The following KIF1B variants were observed in gnomAD, a reference collection of about 807,000 sequenced individuals.
The protein encoded by KIF1B is kinesin-like protein KIF1B.
Under a neutral mutation model 241.9 loss-of-function variants are expected in KIF1B, and 76 were observed. The ratio of observed to expected loss-of-function variants is 0.31; its 90% CI spans 0.26 to 0.38. The LOEUF is 0.38. KIF1B is among the 10% of genes least tolerant of loss of function. KIF1B has a pLI of 1.00. For missense variants in KIF1B, 1,622 were observed against 2,271.4 expected (o/e 0.71, Z 5.81); for synonymous variants, 750 against 796.7 (o/e 0.94, Z 0.99).
intron 27 of KIF1B, among the ~76,000 whole-genome samples, chr1:10,329,334 G>A (rs889636411): frequency 6.6e-6 from 1 of 152,186 alleles, no homozygotes; most frequent in African/African-American, 2.4e-5. Flanking sequence ...CAGTTGTGTA[G>A]TGGTCATTGT....
Position 10,381,272 on chromosome 1 carries a change from A to G in KIF1B, c.*4685A>G, listed in dbSNP as rs1295569485. On this transcript the variant is annotated 3_prime_UTR_variant, in exon 49 of 49. Transcript: ENST00000676179. ...TCTCTTGTCACCATCCTCACACATG[A>G]CAACAAAACCCATAATGCATAAGTG... 4.4e-6 allele frequency: 1 copy of G among 226,594 alleles called. No homozygotes were observed. Among genetic ancestry groups the G allele is most frequent in the Non-Finnish European group, 8.8e-6 (1 of 113,688 alleles). 14.0% of individuals were successfully genotyped at this position (226,594 alleles called of 1,614,324 possible). A position where few individuals can be genotyped will look rare whatever the true frequency, so the allele number is the denominator to read the frequency against.
chr1:10,258,391 T>G (rs1031328212), intron 3 of KIF1B, 102 bp from the exon 4 acceptor site: 1 of 1,239,168 alleles, frequency 8.1e-7, no homozygotes, highest in Non-Finnish European at 1.1e-6. Context: ...GAATTTTAGG[T>G]GACTGTTCTG....
Position 10,378,827 on chromosome 1 carries a change from A to G in KIF1B, c.*2240A>G, listed in dbSNP as rs1277847722. On this transcript the variant is annotated 3_prime_UTR_variant, in exon 49 of 49. Coordinates refer to ENST00000676179, the MANE Select transcript of KIF1B (RefSeq NM_001365951.3). ...GAGAGAAAGGAAAGGATAGAATCAC[A>G]GGCTGCGTCTGCACCTGAAAAGTGA... 1.6e-5 allele frequency: 4 copies of G among 245,034 alleles called. No homozygotes were observed. The East Asian group carries it at 2.4e-4, about 14-fold the overall frequency. 15.2% of individuals were successfully genotyped at this position (245,034 alleles called of 1,614,324 possible).
At chr1:10,349,342 G>A (rs962388915) in intron 37 of KIF1B, among the ~76,000 whole-genome samples, 10 of 152,080 alleles carry the variant, frequency 6.6e-5, no homozygotes, top group Non-Finnish European at 1.3e-4. Flanking sequence ...GGCTGAGGTG[G>A]GAGGATCGCT....
At chr1:10,239,722 C>T (rs2102145787) in intron 2 of KIF1B, among the ~76,000 whole-genome samples, 1 of 152,090 alleles carries the variant, frequency 6.6e-6, no homozygotes, top group Non-Finnish European at 1.5e-5. Flanking sequence ...ATTCTCCTGC[C>T]TCAGACTCCA....
Position 10,326,321 on chromosome 1 carries a change from G to A in KIF1B, c.2886G>A (p.Pro962=), listed in dbSNP as rs763515223. Residue 962 remains proline (P), a synonymous_variant, in exon 27 of 49, where the codon CCG becomes CCA. Coordinates refer to ENST00000676179, the MANE Select transcript of KIF1B (RefSeq NM_001365951.3). This position sits in a 1 kb window ranked among gnomAD's most constrained non-coding sequence, Gnocchi z 5.2. The part of the protein sequence containing the change: ...GSDLFSDGHD[P]FYDRSPWFIL... ...ATCTCTTCAGTGACGGGCATGACCC[G>A]TTTTACGACCGATCCCCTTGGTTCA... 12 of 1,614,090 alleles carry A rather than the reference G, an allele frequency of 7.4e-6. No homozygotes were observed. The highest frequency in any genetic ancestry group is 1.6e-4 in the Middle Eastern group (1 of 6,084).
intron 38 of KIF1B, among the ~76,000 whole-genome samples, chr1:10,359,259 G>A (rs1012915940): frequency 1.3e-5 from 2 of 152,200 alleles, no homozygotes; most frequent in African/African-American, 2.4e-5. Flanking sequence ...ATTTGAAAAG[G>A]AGTAAGAAGG....
At chr1:10,231,378 C>CTTTTTTT (rs35213507) in intron 1 of KIF1B, among the ~76,000 whole-genome samples, 90 of 85,736 alleles carry the variant, frequency 1.0e-3, no homozygotes, top group Non-Finnish European at 1.3e-3. Flanking sequence ...GTTCAGTGCC[C>CTTTTTTT]TTTTTTTTTT....
chr1:10,347,685 A>G (rs1652634787), intron 35 of KIF1B, 76 bp from the exon 36 acceptor site: 1 of 1,255,968 alleles, frequency 8.0e-7, no homozygotes, highest in Admixed American at 1.7e-5. Flanking sequence ...GAATTTATCA[A>G]AACAAAGACC....
At chr1:10,332,133 C>T (rs748247444) in intron 27 of KIF1B, among the ~76,000 whole-genome samples, 5 of 152,044 alleles carry the variant, frequency 3.3e-5, no homozygotes, top group Admixed American at 6.6e-5. Context: ...GGTGCGATCT[C>T]GGCTCACTGC....
At chr1:10,281,661 CAATT>C (rs1649411453) in intron 14 of KIF1B, among the ~76,000 whole-genome samples, 1 of 152,158 alleles carries the variant, frequency 6.6e-6, no homozygotes, top group South Asian at 2.1e-4. Context: ...TTGAGGCAAT[CAATT>C]AGTCCTGAGT....
chr1:10,224,264 G>C (rs562760943), intron 1 of KIF1B, among the ~76,000 whole-genome samples: 33 of 152,188 alleles, frequency 2.2e-4, no homozygotes, highest in Non-Finnish European at 4.0e-4. Context: ...TTACAGGTGC[G>C]TGTCACCACG....
intron 2 of KIF1B, among the ~76,000 whole-genome samples, chr1:10,246,859 T>C (rs756378453): frequency 3.4e-4 from 52 of 152,322 alleles, no homozygotes; most frequent in Non-Finnish European, 5.9e-4. Context: ...TTCATTTTAA[T>C]GTAATTTTAA....
At chr1:10,339,887 CAT>C (rs775297369) in intron 32 of KIF1B, 28 bp downstream of exon 32, 16 of 1,584,936 alleles carry the variant, frequency 1.0e-5, no homozygotes, top group East Asian at 2.2e-5. Flanking sequence ...TTTTGCCAAA[CAT>C]ATGTTTTTCT....
At chr1:10,343,113 C>T in intron 33 of KIF1B, 119 bp from the exon 34 acceptor site, 1 of 1,002,438 alleles carries the variant, frequency 1.0e-6, no homozygotes, top group South Asian at 1.4e-5. Context: ...TACATTCTCA[C>T]TCCTACTTGT....
chr1:10,252,749 G>C (rs1647535018), intron 2 of KIF1B, among the ~76,000 whole-genome samples: 1 of 151,162 alleles, frequency 6.6e-6, no homozygotes, highest in Admixed American at 6.6e-5. Flanking sequence ...ATGGAGTTTT[G>C]CTCTTTTGTA....
intron 22 of KIF1B, among the ~76,000 whole-genome samples, chr1:10,301,051 T>G (rs1650517032): frequency 6.6e-6 from 1 of 152,262 alleles, no homozygotes. Context: ...AATCTTTGGT[T>G]TTGTCAGGTG....
At chr1:10,245,953 T>G (rs1008601162) in intron 2 of KIF1B, among the ~76,000 whole-genome samples, 34 of 152,186 alleles carry the variant, frequency 2.2e-4, no homozygotes, top group African/African-American at 7.5e-4. Context: ...TCCACCAGGC[T>G]TTTGTCCTCA....
intron 27 of KIF1B, among the ~76,000 whole-genome samples, chr1:10,327,503 A>G (rs971860213): frequency 5.1e-5 from 7 of 136,994 alleles, no homozygotes; most frequent in African/African-American, 1.6e-4. Context: ...CTCCGTCTCA[A>G]AAAAAAAAAA....
Sources: gnomAD v4.1 joint callset for allele counts (sites outside exome capture counted in the v4.1 genomes callset) on GRCh38, gnomAD v4.1.1 for gene constraint, Gnocchi (gnomAD v3.1) non-coding constraint, MANE v1.5 for transcripts, NCBI Gene and HGNC (gene_info 2026-07-23, HGNC 2026-07-21) for gene names.